Variants in NCKAP5 observed in about 807,000 individuals in gnomAD.
NCKAP5 encodes the protein nck-associated protein 5.
NCKAP5 carries 92 observed loss-of-function variants against 167.0 expected under a neutral mutation model. That is an observed-to-expected ratio of 0.55 (90% CI 0.47 to 0.66). The LOEUF is 0.66. NCKAP5 is among the 30% of genes least tolerant of loss of function. NCKAP5 has a pLI of 0.00. For missense variants in NCKAP5, 2,378 were observed against 2,315.0 expected (o/e 1.03, Z -0.56); for synonymous variants, 891 against 877.4 (o/e 1.02, Z -0.27).
chr2:132,977,380 C>T (rs1305671004), intron 7 of NCKAP5, among the ~76,000 whole-genome samples: 1 of 152,200 alleles, frequency 6.6e-6, no homozygotes, highest in Non-Finnish European at 1.5e-5. Flanking sequence ...AAAAGCACCA[C>T]TAAATTGATT....
chr2:132,835,750 A>C (rs1687846449), intron 11 of NCKAP5, among the ~76,000 whole-genome samples: 1 of 152,028 alleles, frequency 6.6e-6, no homozygotes, highest in Non-Finnish European at 1.5e-5. Flanking sequence ...ATGTCAATTA[A>C]TTTTATTTTA....
chr2:132,728,706 C>A, intron 18 of NCKAP5, 110 bp downstream of exon 18: 1 of 1,430,630 alleles, frequency 7.0e-7, no homozygotes, highest in Non-Finnish European at 9.5e-7. Context: ...AGTAAACCAA[C>A]AGCAAATTTC....
intron 3 of NCKAP5, among the ~76,000 whole-genome samples, chr2:133,405,953 A>T (rs1335087960): frequency 6.6e-6 from 1 of 152,244 alleles, no homozygotes; most frequent in South Asian, 2.1e-4. Context: ...AAACACAGGC[A>T]ACTCTTCGAC....
intron 8 of NCKAP5, among the ~76,000 whole-genome samples, chr2:132,895,229 G>A (rs938388229): frequency 2.6e-5 from 4 of 151,948 alleles, no homozygotes; most frequent in Non-Finnish European, 5.9e-5. Flanking sequence ...TACTCTGGAG[G>A]CTGAGGCAGG....
chr2:133,218,771 G>A (rs2086535628), intron 4 of NCKAP5, among the ~76,000 whole-genome samples: 1 of 152,114 alleles, frequency 6.6e-6, no homozygotes, highest in Non-Finnish European at 1.5e-5. Flanking sequence ...TGATAAAAGA[G>A]TCCTAATACA....
intron 9 of NCKAP5, among the ~76,000 whole-genome samples, chr2:132,876,102 T>G (rs535460842): frequency 7.9e-5 from 12 of 152,288 alleles, no homozygotes; most frequent in Non-Finnish European, 1.6e-4. Context: ...TTTATTTATT[T>G]GAGATGAGGT....
chr2:133,139,142 A>T (rs932500416), intron 5 of NCKAP5, among the ~76,000 whole-genome samples: 3 of 152,090 alleles, frequency 2.0e-5, no homozygotes, highest in Non-Finnish European at 4.4e-5. Flanking sequence ...GAAAATCTGT[A>T]TTTCCCTCTT....
At chr2:133,146,853 G>C (rs1260183022) in intron 5 of NCKAP5, among the ~76,000 whole-genome samples, 1 of 152,014 alleles carries the variant, frequency 6.6e-6, no homozygotes, top group Non-Finnish European at 1.5e-5. Context: ...ACAAGCTAAG[G>C]CATGTTCTCA....
chr2:133,565,650 T>C (rs1688493735), intron 1 of NCKAP5, among the ~76,000 whole-genome samples: 2 of 152,158 alleles, frequency 1.3e-5, no homozygotes, highest in African/African-American at 2.4e-5. Context: ...GTCCACACTG[T>C]GGAGTAGAGT....
chr2:133,258,957 A>C (rs2088771024), intron 4 of NCKAP5, among the ~76,000 whole-genome samples: 1 of 152,100 alleles, frequency 6.6e-6, no homozygotes, highest in Non-Finnish European at 1.5e-5. Context: ...TTCCAGAAAG[A>C]GGGGTCTTGG....
chr2:133,167,442 T>C (rs1204450756), intron 5 of NCKAP5, among the ~76,000 whole-genome samples: 5 of 152,202 alleles, frequency 3.3e-5, no homozygotes, highest in Admixed American at 2.6e-4. Flanking sequence ...ACAAAGTTCT[T>C]TAGTTCACAA....
intron 5 of NCKAP5, among the ~76,000 whole-genome samples, chr2:133,150,165 C>T (rs1218030564): frequency 6.6e-6 from 1 of 152,178 alleles, no homozygotes; most frequent in South Asian, 2.1e-4. Flanking sequence ...ATGGACAATT[C>T]CAGAAATAAA....
At chr2:132,849,971 C>T (rs897907899) in intron 11 of NCKAP5, among the ~76,000 whole-genome samples, 5 of 152,108 alleles carry the variant, frequency 3.3e-5, no homozygotes, top group Admixed American at 6.6e-5. Flanking sequence ...GGAATCGAGC[C>T]GCTACTCTTC....
At chr2:133,014,312 C>A (rs80330390) in intron 6 of NCKAP5, among the ~76,000 whole-genome samples, 7 of 152,148 alleles carry the variant, frequency 4.6e-5, no homozygotes, top group Admixed American at 4.6e-4. Context: ...TGCTTTCCTG[C>A]CTCCAGATCT....
intron 8 of NCKAP5, among the ~76,000 whole-genome samples, chr2:132,883,005 C>T (rs1008952433): frequency 4.0e-5 from 6 of 151,738 alleles, no homozygotes; most frequent in Admixed American, 6.6e-5. Flanking sequence ...CCGGCCTGGG[C>T]GACATAGTGA....
chr2:132,769,308 A>G (rs925442228), intron 16 of NCKAP5, among the ~76,000 whole-genome samples: 1 of 152,182 alleles, frequency 6.6e-6, no homozygotes, highest in African/African-American at 2.4e-5. Context: ...TAACATGATT[A>G]CCCTTAACCA....
At chr2:133,162,226 A>AT (rs11450998) in intron 5 of NCKAP5, among the ~76,000 whole-genome samples, 32,758 of 152,206 alleles carry the variant, frequency 0.22, 3,727 homozygotes, top group African/African-American at 0.24. Context: ...GTTTTAGATA[A>AT]TTTTTTATCA....
At chr2:133,616,283 G>A in the NCKAP5 span, among the ~76,000 whole-genome samples, 1 of 147,044 alleles carries the variant, frequency 6.8e-6, no homozygotes, top group Admixed American at 6.8e-5. Flanking sequence ...CTAGCAGAAG[G>A]CAAGAAATAA....
At chr2:133,096,535 A>T (rs542880705) in intron 6 of NCKAP5, among the ~76,000 whole-genome samples, 135 of 151,996 alleles carry the variant, frequency 8.9e-4, no homozygotes, top group Non-Finnish European at 1.4e-3. Context: ...TAAATAAGCA[A>T]ATAAAATAAA....
Sources: allele counts gnomAD v4.1 joint callset (sites outside exome capture counted in the v4.1 genomes callset), GRCh38; gene constraint gnomAD v4.1.1; transcripts MANE v1.5; gene names NCBI Gene and HGNC (gene_info 2026-07-23, HGNC 2026-07-21).